PKHD1L1: variants seen among roughly 807,000 people sequenced by gnomAD.
The protein encoded by PKHD1L1 is fibrocystin-L.
PKHD1L1 carries 434 observed loss-of-function variants against 462.9 expected under a neutral mutation model. That is an observed-to-expected ratio of 0.94 (90% CI 0.87 to 1.02). The LOEUF (loss-of-function observed/expected upper bound fraction) is 1.02, where lower values mean the gene tolerates loss of function less well. Among genes scored for constraint, PKHD1L1 ranks in the 50% least tolerant of loss-of-function variants. PKHD1L1 has a pLI of 0.00. For synonymous variants in PKHD1L1, 1,781 were observed against 1,750.0 expected (o/e 1.02, Z -0.44); for missense variants, 5,202 against 5,096.1 (o/e 1.02, Z -0.63).
chr8:109,512,648 C>T (rs1820054228), intron 71 of PKHD1L1, among the ~76,000 whole-genome samples: 1 of 151,928 alleles, frequency 6.6e-6, no homozygotes, highest in Admixed American at 6.6e-5. Context: ...CAGCTTTGTT[C>T]TTTTGGCTTA....
At chr8:109,394,352 G>T in intron 9 of PKHD1L1, 63 bp from the exon 10 acceptor site, 2 of 1,086,220 alleles carry the variant, frequency 1.8e-6, no homozygotes, top group Non-Finnish European at 2.6e-6. Context: ...TATCACTGAA[G>T]TTAAAAAAAT....
rs1815975135 is a variant in PKHD1L1 at position 109,444,105 on chromosome 8, T to C, written c.4791+203T>C. 3.1e-5 allele frequency among the ~76,000 whole-genome samples: 4 copies of C among 128,166 alleles called. No homozygotes were observed. In the South Asian group the frequency reaches 8.8e-4, roughly 28 times the overall value. 84.1% of individuals were successfully genotyped at this position (128,166 alleles called of 152,430 possible). A position where few individuals can be genotyped will look rare whatever the true frequency, so the allele number is the denominator to read the frequency against. ...CATCACACAATCAATTTTAGAACATTTTCATTACCTCCCCCCCCCAAAAAA... is the reference window on the plus strand; with the variant it reads ...CATCACACAATCAATTTTAGAACATCTTCATTACCTCCCCCCCCCAAAAAA... On this transcript the variant is annotated intron_variant, in intron 37 of 77. Coordinates refer to ENST00000378402, the MANE Select transcript of PKHD1L1 (RefSeq NM_177531.6).
chr8:109,491,850 T>C, intron 61 of PKHD1L1, 23 bp from the exon 62 acceptor site: 1 of 1,529,526 alleles, frequency 6.5e-7, no homozygotes, highest in Non-Finnish European at 8.8e-7. Flanking sequence ...GGATTTTCTT[T>C]CTTTTTTTCT....
intron 59 of PKHD1L1, among the ~76,000 whole-genome samples, chr8:109,487,983 G>C (rs1229447277): frequency 6.7e-6 from 1 of 148,284 alleles, no homozygotes; most frequent in Non-Finnish European, 1.5e-5. Context: ...GGTACAGTTG[G>C]TAGTGTATTT....
chr8:109,435,667 C>T (rs1420757075), intron 29 of PKHD1L1, among the ~76,000 whole-genome samples: 1 of 152,166 alleles, frequency 6.6e-6, no homozygotes, highest in Non-Finnish European at 1.5e-5. Flanking sequence ...TGCTTACCAG[C>T]TGCTTCGTTT....
chr8:109,412,413 A>G lies in PKHD1L1; in HGVS notation c.2234A>G (p.Gln745Arg). 1 of 1,603,364 alleles carries G rather than the reference A, an allele frequency of 6.2e-7. No homozygotes were observed. Residue 745 changes from glutamine (Q) to arginine (R), a missense_variant and splice_region_variant, in exon 20 of 78, where the codon CAG (glutamine) becomes CGG (arginine). Physicochemically the swap from Gln to Arg is conservative, Grantham distance 43 (BLOSUM62 1). This residue lies in a region of PKHD1L1 where 4,497 missense variants were observed against 4,336.8 expected (regional missense o/e 1.04). Coordinates refer to ENST00000378402, the MANE Select transcript of PKHD1L1 (RefSeq NM_177531.6). ...GATATTTTATTGTTTCCTTATAATC[A>G]GGTAAGCTCAACAAAATGATATGCT... ...YGDILLFPYNQLCLAYKGFLA... is the reference protein window; with the variant it reads ...YGDILLFPYNRLCLAYKGFLA...
chr8:109,447,926 A>C lies in PKHD1L1; in HGVS notation c.5777-217A>C, dbSNP rs187508633. Among the ~76,000 whole-genome samples the C allele has an allele frequency of 1.2e-3, 178 of 152,304 alleles. 4 individuals carry two copies. The highest frequency in any genetic ancestry group is 8.8e-4 in the Non-Finnish European group (60 of 68,036). ...CGGACAGAAGGGCTGGAAAAATAAT[A>C]AACATTGAGATAAATCACTTATAAT... is the stretch of plus-strand genomic sequence containing the variant. On this transcript the variant is annotated intron_variant, in intron 38 of 77. Transcript: ENST00000378402.
At chr8:109,434,622 C>A (rs555660259) in intron 28 of PKHD1L1, among the ~76,000 whole-genome samples, 167 of 152,092 alleles carry the variant, frequency 1.1e-3, no homozygotes, top group African/African-American at 3.9e-3. Flanking sequence ...GTGTCTGACA[C>A]CACACCCAGC....
At position 109,522,997 on chromosome 8, in the gene PKHD1L1, C is replaced by T. The variant is rs367851269; in HGVS notation, c.12330+107C>T. The stretch of plus-strand genomic sequence containing the variant: ...GTGTGCTGGCAGCCTGAGGATCACA[C>T]GGCCCTTTCAGAAGTTGGACTAATA... On this transcript the variant is annotated intron_variant, in intron 75 of 77. Transcript: ENST00000378402. 281 of 1,234,230 alleles carry T rather than the reference C, an allele frequency of 2.3e-4. 1 individual carries two copies. The African/African-American group carries it at 4.0e-3, about 18-fold the overall frequency. The allele number at this position is 1,234,230 out of a possible 1,614,324, so 76.5% of individuals were successfully genotyped here. A position where few individuals can be genotyped will look rare whatever the true frequency, so the allele number is the denominator to read the frequency against.
At chr8:109,476,849 A>G (rs1818014646) in intron 52 of PKHD1L1, among the ~76,000 whole-genome samples, 182 bp downstream of exon 52, 1 of 152,162 alleles carries the variant, frequency 6.6e-6, no homozygotes, top group Non-Finnish European at 1.5e-5. Flanking sequence ...TGAATTAAGA[A>G]CTTTCATTTT....
chr8:109,387,095 A>C (rs58415331), intron 6 of PKHD1L1, among the ~76,000 whole-genome samples: 149 of 152,250 alleles, frequency 9.8e-4, no homozygotes, highest in Middle Eastern at 3.4e-3. Flanking sequence ...CTCCCAAGGC[A>C]ATTTATTATG....
At chr8:109,515,929 T>A (rs574875092) in intron 72 of PKHD1L1, among the ~76,000 whole-genome samples, 1 of 152,296 alleles carries the variant, frequency 6.6e-6, no homozygotes, top group Admixed American at 6.5e-5. Context: ...CATCATTTTC[T>A]GATATGATCC....
chr8:109,489,639 T>G (rs896334708), intron 59 of PKHD1L1, among the ~76,000 whole-genome samples: 1 of 151,636 alleles, frequency 6.6e-6, no homozygotes, highest in Admixed American at 6.6e-5. Context: ...GTTCTTGAGG[T>G]GGGGGCAAAA....
At chr8:109,385,424 G>C in intron 5 of PKHD1L1, 113 bp from the exon 6 acceptor site, 1 of 592,036 alleles carries the variant, frequency 1.7e-6, no homozygotes, top group Non-Finnish European at 2.9e-6. Context: ...GCAAACATGA[G>C]GTATAAGTGT....
rs1815753863 is a variant in PKHD1L1 at position 109,440,980 on chromosome 8, AGT to A, written c.4099+131_4099+132del. 4.2e-6 allele frequency: 5 copies of A among 1,187,238 alleles called. No homozygotes were observed. In the African/African-American group the frequency reaches 6.1e-5, roughly 15 times the overall value. 73.5% of individuals were successfully genotyped at this position (1,187,238 alleles called of 1,614,324 possible). On this transcript the variant is annotated intron_variant, in intron 33 of 77. Transcript: ENST00000378402. ...TTTTTCTAGTAGCATAAAAAAGGTA[AGT>A]GTATTTGGTTAAAGTGATAAAGAGA...
Position 109,443,071 on chromosome 8 carries a change from C to T in PKHD1L1, c.4519C>T (p.Pro1507Ser), listed in dbSNP as rs267601716. The T allele has an allele frequency of 2.4e-5, 38 of 1,613,508 alleles. 1 individual carries two copies. The East Asian group carries it at 4.5e-4, about 19-fold the overall frequency. Reference protein sequence around the residue: ...NVLPAETRHIPLHLFVGRSEA... With the variant: ...NVLPAETRHISLHLFVGRSEA... ...TTTACCAGCTGAAACCAGACACATT[C>T]CCTTGCACCTGTTTGTGGGTCGCTC... The change falls in exon 36 of 78, where the codon CCC becomes TCC. Residue 1507 changes from proline to serine, a missense_variant. Coordinates refer to ENST00000378402, the MANE Select transcript of PKHD1L1 (RefSeq NM_177531.6).
At chr8:109,470,634 A>G in intron 50 of PKHD1L1, 1 of 1,541,706 alleles carries the variant, frequency 6.5e-7, no homozygotes, top group East Asian at 2.3e-5. Flanking sequence ...CAGTGTCCCA[A>G]CTAGAATTGA....
intron 20 of PKHD1L1, 25 bp from the exon 21 acceptor site, chr8:109,413,396 C>A: frequency 7.1e-7 from 1 of 1,410,516 alleles, no homozygotes. Context: ...ATATTGTTAC[C>A]AATGTTTTTC....
intron 11 of PKHD1L1, among the ~76,000 whole-genome samples, chr8:109,397,339 C>G (rs13266285): frequency 0.3 from 46,007 of 151,746 alleles, 7,566 homozygotes; most frequent in Admixed American, 0.44. Context: ...GTTCCTATTT[C>G]CTTTTTTCTG....
Sources: gnomAD v4.1 joint callset for allele counts (sites outside exome capture counted in the v4.1 genomes callset) on GRCh38, gnomAD v4.1.1 for gene constraint, gnomAD v4.1.1 regional missense constraint, MANE v1.5 for transcripts, NCBI Gene and HGNC (gene_info 2026-07-23, HGNC 2026-07-21) for gene names.